The following LUC7L variants were observed in gnomAD, a reference collection of about 807,000 sequenced individuals.
LUC7L encodes putative RNA-binding protein Luc7-like 1.
Under a neutral mutation model 51.1 loss-of-function variants are expected in LUC7L, and 29 were observed. The ratio of observed to expected loss-of-function variants is 0.57; its 90% confidence interval spans 0.42 to 0.77. LUC7L has a LOEUF of 0.77. Ranked by LOEUF, LUC7L falls within the 30% of genes least tolerant of loss-of-function variation. The pLI is 0.00. For missense variants in LUC7L, 403 were observed against 511.9 expected, an observed-to-expected ratio of 0.79 and a Z score of 2.05; for synonymous variants, 181 against 180.7, an observed-to-expected ratio of 1.00 and a Z score of -0.01.
chr16:196,672 T>C (rs1408047224), intron 6 of LUC7L, among the ~76,000 whole-genome samples: 2 of 151,120 alleles, frequency 1.3e-5, no homozygotes, highest in African/African-American at 4.9e-5. Flanking sequence ...AGAATACAAA[T>C]GTGTACCACC....
intron 1 of LUC7L, 179 bp from the exon 2 acceptor site, chr16:227,515 G>C (rs1335788729): frequency 7.0e-7 from 1 of 1,431,034 alleles, no homozygotes; most frequent in Non-Finnish European, 9.1e-7. Context: ...ACATTTTTTT[G>C]AGGCTAGTTA....
At chr16:223,503 AT>A (rs2050035609) in intron 2 of LUC7L, among the ~76,000 whole-genome samples, 1 of 152,146 alleles carries the variant, frequency 6.6e-6, no homozygotes, top group South Asian at 2.1e-4. Flanking sequence ...TTGACGAAAG[AT>A]TGACTTTTCT....
At chr16:227,614 A>G in intron 1 of LUC7L, 1 of 1,244,198 alleles carries the variant, frequency 8.0e-7, no homozygotes, top group Non-Finnish European at 1.0e-6. Flanking sequence ...GAGCACCAAA[A>G]GGCCATTGGC....
intron 1 of LUC7L, chr16:228,199 T>C: frequency 7.8e-7 from 1 of 1,274,508 alleles, no homozygotes; most frequent in South Asian, 1.3e-5. Flanking sequence ...ATTTTAGGAT[T>C]TGCAAGCATC....
chr16:211,257 C>T (rs936164968), intron 3 of LUC7L, among the ~76,000 whole-genome samples: 1 of 152,152 alleles, frequency 6.6e-6, no homozygotes, highest in Admixed American at 6.6e-5. Context: ...CTCTAGACGT[C>T]TAATTGCTTA....
chr16:213,958 C>T (rs1366727118), intron 3 of LUC7L, among the ~76,000 whole-genome samples: 1 of 151,784 alleles, frequency 6.6e-6, no homozygotes, highest in Admixed American at 6.6e-5. Flanking sequence ...TTGTGATCTG[C>T]CCACCTCAGC....
intron 2 of LUC7L, among the ~76,000 whole-genome samples, chr16:221,189 T>A (rs1024510265): frequency 4.1e-5 from 2 of 48,244 alleles, no homozygotes; most frequent in Non-Finnish European, 1.0e-4. Flanking sequence ...CCAGCTAATT[T>A]TTTTTTTTTT....
rs150392104 is a variant in LUC7L at position 221,699 on chromosome 16, T to C, written c.157-952A>G. Among the ~76,000 whole-genome samples the C allele has an allele frequency of 8.1e-3, 1,223 of 151,394 alleles. 9 individuals carry two copies. The highest frequency in any genetic ancestry group is 0.014 in the Middle Eastern group (4 of 292). ...GCCTGGGTGATAAAGTGAGACTCTG[T>C]CTCAGAAAAGGGGAAAAAAAAAAGG... On this transcript the variant is annotated intron_variant, in intron 2 of 9. Transcript: ENST00000293872.
chr16:225,635 C>T (rs1232991135), intron 2 of LUC7L, among the ~76,000 whole-genome samples: 4 of 150,650 alleles, frequency 2.7e-5, no homozygotes, highest in African/African-American at 7.3e-5. Flanking sequence ...TACAGGCATG[C>T]GCCACCACAC....
chr16:199,248 GA>G lies in LUC7L; in HGVS notation c.511-11del. 6.3e-7 allele frequency: 1 copy of G among 1,574,930 alleles called. No individual in the cohort carries two copies. Among genetic ancestry groups the G allele is most frequent in the Non-Finnish European group, 8.7e-7 (1 of 1,151,560 alleles). Reference sequence around the variant, plus strand: ...AATTTCTGTATTCTTCCTGAAGAAGGAAAATGGAGAAATAAAAGTGAGGTAT... The same window carrying G: ...AATTTCTGTATTCTTCCTGAAGAAGGAAATGGAGAAATAAAAGTGAGGTAT... On this transcript the variant is annotated splice_polypyrimidine_tract_variant and intron_variant, in intron 5 of 9. Transcript: ENST00000293872.
chr16:197,831 A>G (rs1443392277), intron 6 of LUC7L, among the ~76,000 whole-genome samples: 1 of 152,186 alleles, frequency 6.6e-6, no homozygotes, highest in African/African-American at 2.4e-5. Flanking sequence ...CATTTCAGGT[A>G]TACAGGGGGA....
chr16:199,861 A>G (rs1266909794), intron 5 of LUC7L, among the ~76,000 whole-genome samples: 2 of 151,432 alleles, frequency 1.3e-5, no homozygotes, highest in African/African-American at 2.4e-5. Flanking sequence ...GTGGTGGCAC[A>G]TGCCTGTAGT....
At position 192,998 on chromosome 16, in the gene LUC7L, C is replaced by G; in HGVS notation, c.705G>C (p.Lys235Asn). Reference protein sequence around the residue: ...LDQLRKTVAEKQEKRNQDRLR... With the variant: ...LDQLRKTVAENQEKRNQDRLR... ...AGCGATCCTGATTTCTCTTCTCCTG[C>G]TTTTCAGCGACAGTTTTCTAAATAA... Residue 235 changes from lysine (K) to asparagine (N), a missense_variant, in exon 7 of 10, where the codon AAG (lysine) becomes AAC (asparagine). Lys to Asn is a moderately conservative substitution (Grantham distance 94, BLOSUM62 0). This residue lies in a region of LUC7L where 206 missense variants were observed against 218.3 expected (regional missense o/e 0.94). Transcript: ENST00000293872. 1.2e-6 allele frequency: 2 copies of G among 1,613,232 alleles called. No individual in the cohort carries two copies. The highest frequency in any genetic ancestry group is 1.7e-6 in the Non-Finnish European group (2 of 1,179,952).
rs1209983413 is a variant in LUC7L at position 199,552 on chromosome 16, ACC to A, written c.511-316_511-315del. ...TTTGGGAGGCTGAGGCTGGCGGATC[ACC>A]TGAGGTCCGGAGTTCAAGATCAGCC... is the stretch of plus-strand genomic sequence containing the variant. On this transcript the variant is annotated intron_variant, in intron 5 of 9. Transcript: ENST00000293872. 9.2e-5 allele frequency among the ~76,000 whole-genome samples: 14 copies of A among 151,728 alleles called. No individual in the cohort carries two copies. The South Asian group carries it at 2.3e-3, about 25-fold the overall frequency.
chr16:209,489 CAA>C (rs5815040), intron 3 of LUC7L: 7 of 115,542 alleles, frequency 6.1e-5, no homozygotes, highest in Non-Finnish European at 8.9e-5. Context: ...GATTCCATCT[CAA>C]AAAAAAAAAA....
intron 2 of LUC7L, among the ~76,000 whole-genome samples, chr16:222,164 T>C (rs533308080): frequency 1.3e-5 from 2 of 152,204 alleles, no homozygotes; most frequent in African/African-American, 4.8e-5. Flanking sequence ...ATCCTAAGTA[T>C]AGGACTCTAT....
At chr16:210,642 G>T (rs1369777196) in intron 3 of LUC7L, among the ~76,000 whole-genome samples, 1 of 152,098 alleles carries the variant, frequency 6.6e-6, no homozygotes, top group Non-Finnish European at 1.5e-5. Context: ...CACTCGAGGG[G>T]TCAAATGGGA....
At chr16:206,981 C>T (rs894406113) in intron 4 of LUC7L, among the ~76,000 whole-genome samples, 6 of 150,680 alleles carry the variant, frequency 4.0e-5, no homozygotes, top group Admixed American at 6.7e-5. Context: ...GGGCAGATCA[C>T]GAGGTCAAGA....
chr16:194,092 C>T (rs1236672775), intron 6 of LUC7L, among the ~76,000 whole-genome samples: 2 of 151,760 alleles, frequency 1.3e-5, no homozygotes, highest in African/African-American at 4.8e-5. Flanking sequence ...CATGAGCCAC[C>T]GCGCTTGGCC....
Sources: allele counts gnomAD v4.1 joint callset (sites outside exome capture counted in the v4.1 genomes callset), GRCh38; gene constraint gnomAD v4.1.1; regional missense constraint gnomAD v4.1.1; transcripts MANE v1.5; gene names NCBI Gene and HGNC (gene_info 2026-07-23, HGNC 2026-07-21).